The following OAT variants were observed in gnomAD, a reference collection of about 807,000 sequenced individuals.
OAT encodes ornithine aminotransferase, also known as ornithine aminotransferase, mitochondrial.
A neutral mutation model predicts 48.4 loss-of-function variants in OAT; 35 were observed. That is an observed-to-expected ratio of 0.72 (90% CI 0.55 to 0.96). The LOEUF (loss-of-function observed/expected upper bound fraction) is 0.96, where lower values mean the gene tolerates loss of function less well. OAT is among the 40% of genes least tolerant of loss of function. The probability of loss-of-function intolerance (pLI) is 0.00; values close to 1 mark genes in which losing one functional copy is unlikely to be tolerated. For missense variants in OAT, 438 were observed against 537.9 expected, an observed-to-expected ratio of 0.81 and a Z score of 1.84; for synonymous variants, 182 against 198.4, an observed-to-expected ratio of 0.92 and a Z score of 0.70.
intron 2 of OAT, among the ~76,000 whole-genome samples, chr10:124,410,197 G>A (rs1482963762): frequency 3.3e-5 from 5 of 152,196 alleles, no homozygotes; most frequent in South Asian, 4.1e-4. Context: ...AACTACCACC[G>A]TAATCATTTA....
chr10:124,407,206 A>G, intron 4 of OAT: 1 of 985,458 alleles, frequency 1.0e-6, no homozygotes, highest in Non-Finnish European at 1.2e-6. Flanking sequence ...GTTTAAGAAG[A>G]AATGCACTGA....
chr10:124,399,891 G>C (rs941031413), intron 9 of OAT, among the ~76,000 whole-genome samples: 2 of 152,128 alleles, frequency 1.3e-5, no homozygotes, highest in African/African-American at 4.8e-5. Context: ...GTGAGGGAGG[G>C]AAGGATAGCA....
chr10:124,402,802 T>C, intron 7 of OAT, 125 bp downstream of exon 7: 1 of 1,299,804 alleles, frequency 7.7e-7, no homozygotes, highest in East Asian at 2.3e-5. Flanking sequence ...CCGGGTGGCC[T>C]GCAGCACACT....
chr10:124,407,839 T>C (rs1360080907), intron 4 of OAT, among the ~76,000 whole-genome samples: 1 of 152,136 alleles, frequency 6.6e-6, no homozygotes, highest in Non-Finnish European at 1.5e-5. Context: ...TAACCAAAAT[T>C]CAAGTTATTC....
At chr10:124,407,216 A>C in intron 4 of OAT, 6 of 985,474 alleles carry the variant, frequency 6.1e-6, no homozygotes, top group Non-Finnish European at 7.2e-6. Context: ...AAATGCACTG[A>C]TTAGACCATA....
intron 4 of OAT, among the ~76,000 whole-genome samples, chr10:124,406,512 A>G (rs1416872391): frequency 6.7e-6 from 1 of 150,236 alleles, no homozygotes; most frequent in Non-Finnish European, 1.5e-5. Context: ...AATAATAATA[A>G]TAATAATAAA....
chr10:124,408,317 GTA>G (rs1173599560), intron 4 of OAT, among the ~76,000 whole-genome samples: 230 of 83,174 alleles, frequency 2.8e-3, no homozygotes, highest in East Asian at 8.0e-3. Flanking sequence ...GTGTGTGTGT[GTA>G]TATATATATA....
chr10:124,406,320 A>G (rs1466050575), intron 4 of OAT, among the ~76,000 whole-genome samples: 3 of 149,820 alleles, frequency 2.0e-5, no homozygotes, highest in East Asian at 2.0e-4. Flanking sequence ...GTGAAACCCC[A>G]TCTCTACTAA....
intron 9 of OAT, 57 bp from the exon 10 acceptor site, chr10:124,398,159 C>T (rs1396593371): frequency 6.3e-7 from 1 of 1,591,316 alleles, no homozygotes. Context: ...ACATCCCTTG[C>T]CGTATGTATG....
In OAT at chr10:124,408,811, G is replaced by A. The variant is rs532722603; in HGVS notation, c.354C>T (p.Asn118=). ...LTLTSRAFYN[N]VLGEYEEYIT... ...TATACTCCTCATATTCACCAAGTAC[G>A]TTATTATAGAAAGCTCTAGATGTTA... is the stretch of plus-strand genomic sequence containing the variant. Residue 118 remains asparagine (N), a synonymous_variant, in exon 3 of 10, where the codon AAC becomes AAT. Coordinates refer to ENST00000368845, the MANE Select transcript of OAT (RefSeq NM_000274.4). The A allele has an allele frequency of 2.0e-5, 32 of 1,612,380 alleles. No individual in the cohort carries two copies. In the South Asian group the frequency reaches 2.5e-4, roughly 13 times the overall value.
chr10:124,403,671 A>T, intron 6 of OAT, 127 bp downstream of exon 6: 1 of 1,352,198 alleles, frequency 7.4e-7, no homozygotes, highest in South Asian at 1.2e-5. Context: ...TCTAGTGGAA[A>T]GTAATTTAAT....
In OAT at chr10:124,401,820, T is replaced by A; in HGVS notation, c.920A>T (p.Asp307Val). Residue 307 changes from aspartate to valine, a missense_variant, in exon 8 of 10, where the codon GAT becomes GTT. Physicochemically the swap from Asp to Val is radical, Grantham distance 152. Transcript: ENST00000368845. ...GLYPVSAVLC[D>V]DDIMLTIKPG... is the part of the protein sequence containing the mutation. The stretch of plus-strand genomic sequence containing the variant: ...CTTAATGGTCAGCATGATGTCATCA[T>A]CACACAGCACTGCAGACACCTGAAA... 1.2e-6 allele frequency: 2 copies of A among 1,613,018 alleles called. No individual in the cohort carries two copies. Among genetic ancestry groups the A allele is most frequent in the South Asian group, 1.1e-5 (1 of 91,064 alleles).
At chr10:124,410,101 C>G (rs1053294244) in intron 2 of OAT, among the ~76,000 whole-genome samples, 3 of 152,134 alleles carry the variant, frequency 2.0e-5, no homozygotes, top group African/African-American at 7.2e-5. Flanking sequence ...TTGTCATTTT[C>G]TGGTACAAAG....
chr10:124,405,903 G>T, intron 4 of OAT: 1 of 1,168,462 alleles, frequency 8.6e-7, no homozygotes, highest in South Asian at 1.8e-5. Flanking sequence ...GGTCTTGAAT[G>T]CATGTTTTCT....
intron 5 of OAT, among the ~76,000 whole-genome samples, 154 bp downstream of exon 5, chr10:124,405,282 T>G (rs910762940): frequency 6.6e-6 from 1 of 152,220 alleles, no homozygotes; most frequent in Non-Finnish European, 1.5e-5. Flanking sequence ...TGTTGGAAAC[T>G]AATTGATCGC....
intron 5 of OAT, among the ~76,000 whole-genome samples, chr10:124,404,666 T>C (rs1403007542): frequency 6.6e-6 from 1 of 152,126 alleles, no homozygotes; most frequent in Admixed American, 6.6e-5. Context: ...CACAAAGTGC[T>C]CCTCCAGCCC....
At chr10:124,413,061 A>G (rs1227063911) in intron 1 of OAT, among the ~76,000 whole-genome samples, 1 of 152,146 alleles carries the variant, frequency 6.6e-6, no homozygotes, top group Non-Finnish European at 1.5e-5. Flanking sequence ...CGGCCTCCCA[A>G]AGTTTTCGAA....
chr10:124,405,514 G>T lies in OAT; in HGVS notation c.570C>A (p.Asp190Glu). ...RTLSAISSST[D>E]PTSYDGFGPF... ...GTCCAAAACCATCGTAACTGGTTGG[G>T]TCTGTGGAACTGGAGATAGCAGACA... Residue 190 changes from aspartate to glutamate, a missense_variant, in exon 5 of 10, where the codon GAC (aspartate) becomes GAA (glutamate). Transcript: ENST00000368845. 1.2e-6 allele frequency: 2 copies of T among 1,614,100 alleles called. No homozygotes were observed. Among genetic ancestry groups the T allele is most frequent in the South Asian group, 2.2e-5 (2 of 91,078 alleles).
In OAT at chr10:124,405,470, T is replaced by C. The variant is rs375157197; in HGVS notation, c.614A>G (p.Asp205Gly). The C allele has an allele frequency of 4.2e-5, 68 of 1,614,038 alleles. No individual in the cohort carries two copies. Among genetic ancestry groups the C allele is most frequent in the Non-Finnish European group, 4.7e-5 (56 of 1,180,002 alleles). Residue 205 changes from aspartate (D) to glycine (G), a missense_variant, in exon 5 of 10, where the codon GAC becomes GGC. Physicochemically the swap from Asp to Gly is moderately conservative, Grantham distance 94. Coordinates refer to ENST00000368845, the MANE Select transcript of OAT (RefSeq NM_000274.4). Reference protein sequence around the residue: ...DGFGPFMPGFDIIPYNDLPAL... With the variant: ...DGFGPFMPGFGIIPYNDLPAL... ...GGGCAGATCATTATAGGGAATGATG[T>C]CGAATCCCGGCATAAATGGTCCAAA...
Sources: allele counts gnomAD v4.1 joint callset (sites outside exome capture counted in the v4.1 genomes callset), GRCh38; gene constraint gnomAD v4.1.1; transcripts MANE v1.5; gene names NCBI Gene and HGNC (gene_info 2026-07-23, HGNC 2026-07-21).